Variants in MDM1 observed in about 807,000 individuals in gnomAD.
MDM1 encodes stabilizer of axonemal microtubules 6.
Under a neutral mutation model 89.1 loss-of-function variants are expected in MDM1, and 61 were observed. That is an observed-to-expected ratio of 0.68 (90% CI 0.56 to 0.85). The LOEUF is 0.85. MDM1 is among the 40% of genes least tolerant of loss of function. The probability of loss-of-function intolerance (pLI) is 0.00; values close to 1 mark genes in which losing one functional copy is unlikely to be tolerated. For missense variants in MDM1, 820 were observed against 846.5 expected, an observed-to-expected ratio of 0.97 and a Z score of 0.39; for synonymous variants, 290 against 294.1, an observed-to-expected ratio of 0.99 and a Z score of 0.14.
intron 7 of MDM1, among the ~76,000 whole-genome samples, chr12:68,318,649 T>C (rs1874810808): frequency 6.6e-6 from 1 of 152,056 alleles, no homozygotes; most frequent in Non-Finnish European, 1.5e-5. Flanking sequence ...AAAAAATCAA[T>C]AGCATGAACT....
At chr12:68,326,031 C>A (rs1322727418) in intron 3 of MDM1, 12 of 994,324 alleles carry the variant, frequency 1.2e-5, no homozygotes, top group Non-Finnish European at 1.3e-5. Context: ...TGAAATGCCT[C>A]TTCAGGGTCC....
intron 9 of MDM1, 123 bp from the exon 10 acceptor site, chr12:68,315,388 G>T: frequency 1.2e-6 from 1 of 865,670 alleles, no homozygotes; most frequent in Non-Finnish European, 1.8e-6. Flanking sequence ...CATAGATATT[G>T]CCTTGCTCAG....
At chr12:68,299,238 A>G (rs1871823759) in intron 13 of MDM1, among the ~76,000 whole-genome samples, 1 of 152,178 alleles carries the variant, frequency 6.6e-6, no homozygotes. Context: ...ACAAGGTTCT[A>G]TAACACCCTC....
intron 12 of MDM1, among the ~76,000 whole-genome samples, chr12:68,311,408 C>A (rs969253099): frequency 6.6e-6 from 1 of 152,180 alleles, no homozygotes; most frequent in African/African-American, 2.4e-5. Flanking sequence ...TCTTCCCCAG[C>A]CTTATTCTCA....
chr12:68,322,375 G>A (rs1052531308), intron 5 of MDM1, among the ~76,000 whole-genome samples: 1 of 152,216 alleles, frequency 6.6e-6, no homozygotes, highest in Admixed American at 6.5e-5. Context: ...GCTCACACCT[G>A]TAATCCCAGC....
In MDM1 at chr12:68,315,055, GTCC is replaced by G. The variant is rs776290328; in HGVS notation, c.1419_1421del (p.Glu473del). On this transcript the variant is annotated inframe_deletion, in exon 10 of 15. Coordinates refer to ENST00000682720, the MANE Select transcript of MDM1 (RefSeq NM_001354969.2). ...TCCTGTCCCCTTCCTCTTCATTGTCGTCCTCCTCCTCTTTCTCCCCGGGCTGTT... is the reference window on the plus strand; with the variant it reads ...TCCTGTCCCCTTCCTCTTCATTGTCGTCCTCCTCTTTCTCCCCGGGCTGTT... 16 of 1,613,348 alleles carry G rather than the reference GTCC, an allele frequency of 9.9e-6. No homozygotes were observed. The South Asian group carries it at 1.4e-4, about 14-fold the overall frequency.
chr12:68,316,488 GCTAA>G, intron 8 of MDM1, 89 bp downstream of exon 8: 6 of 1,092,482 alleles, frequency 5.5e-6, no homozygotes. Flanking sequence ...ATTCATAGCA[GCTAA>G]GAAAAATATT....
chr12:68,331,329 G>GA, intron 1 of MDM1, 108 bp from the exon 2 acceptor site: 1 of 735,846 alleles, frequency 1.4e-6, no homozygotes, highest in South Asian at 1.6e-5. Flanking sequence ...ACTTAAGACT[G>GA]AAAATTAAAC....
At chr12:68,329,095 G>A (rs1454539319) in intron 2 of MDM1, among the ~76,000 whole-genome samples, 1 of 152,164 alleles carries the variant, frequency 6.6e-6, no homozygotes, top group African/African-American at 2.4e-5. Context: ...CGCTCAGCAG[G>A]GTGGGATATC....
rs535890081 is a variant in MDM1, at chr12:68,321,336, T to C, written c.1005+11A>G. 2.5e-6 allele frequency: 4 copies of C among 1,607,842 alleles called. No individual in the cohort carries two copies. The highest frequency in any genetic ancestry group is 2.2e-5 in the South Asian group (2 of 90,630). On this transcript the variant is annotated intron_variant, in intron 7 of 14. Coordinates refer to ENST00000682720, the MANE Select transcript of MDM1 (RefSeq NM_001354969.2). ...AGAACATGTAGGCTTATTGAGGTCATGTACACTCACCTGATTTGGCATGTT... is the reference window on the plus strand; with the variant it reads ...AGAACATGTAGGCTTATTGAGGTCACGTACACTCACCTGATTTGGCATGTT...
chr12:68,316,484 A>T, intron 8 of MDM1, 97 bp downstream of exon 8: 1 of 1,047,482 alleles, frequency 9.5e-7, no homozygotes, highest in South Asian at 1.4e-5. Context: ...AGAAATTCAT[A>T]GCAGCTAAGA....
chr12:68,297,467 G>A (rs1057260116), intron 13 of MDM1, among the ~76,000 whole-genome samples: 2 of 152,248 alleles, frequency 1.3e-5, no homozygotes, highest in African/African-American at 2.4e-5. Flanking sequence ...TAAGCCAGCA[G>A]AAGAGTGAAA....
Position 68,315,010 on chromosome 12 carries a change from A to C in MDM1, c.1467T>G (p.Phe489Leu). The C allele has an allele frequency of 6.2e-7, 1 of 1,614,024 alleles. No individual in the cohort carries two copies. The highest frequency in any genetic ancestry group is 1.1e-5 in the South Asian group (1 of 91,064). ...CATCCAACTTCTCTTGCTCTCCCAT[A>C]AAAGCCTGCTTGCCCGTTTTCCTGT... is the stretch of plus-strand genomic sequence containing the variant. ...EGDRKTGKQA[F>L]MGEQEKLDVR... The change falls in exon 10 of 15, where the codon TTT becomes TTG. Residue 489 changes from phenylalanine to leucine, a missense_variant. Phe to Leu is a conservative substitution (Grantham distance 22). Transcript: ENST00000682720.
At chr12:68,311,207 C>T (rs910175577) in intron 12 of MDM1, among the ~76,000 whole-genome samples, 3 of 152,184 alleles carry the variant, frequency 2.0e-5, no homozygotes, top group African/African-American at 7.2e-5. Flanking sequence ...GTATCCTGCA[C>T]TTCTGCAGCC....
intron 5 of MDM1, among the ~76,000 whole-genome samples, chr12:68,322,628 T>C (rs1056740283): frequency 6.6e-6 from 1 of 152,190 alleles, no homozygotes; most frequent in Admixed American, 6.5e-5. Context: ...ACCAAGACTC[T>C]GTCTCGAAAA....
chr12:68,330,721 A>C (rs1442450210), intron 2 of MDM1: 1 of 163,162 alleles, frequency 6.1e-6, no homozygotes, highest in Admixed American at 6.3e-5. Flanking sequence ...AGAATTCCTT[A>C]TTTTGTCATG....
chr12:68,302,907 C>T, intron 12 of MDM1, 35 bp from the exon 13 acceptor site: 1 of 1,402,362 alleles, frequency 7.1e-7, no homozygotes, highest in Non-Finnish European at 9.7e-7. Flanking sequence ...AAAAAGATGC[C>T]TATGTGTAGA....
chr12:68,331,789 GTGTAT>G (rs547244898), intron 1 of MDM1, among the ~76,000 whole-genome samples: 66 of 152,278 alleles, frequency 4.3e-4, no homozygotes, highest in African/African-American at 1.5e-3. Context: ...GATGAAAAAC[GTGTAT>G]TTCTTTATAC....
Position 68,323,224 on chromosome 12 carries a change from C to T in MDM1, c.650G>A (p.Ser217Asn). Reference protein sequence around the residue: ...FAANQVFHNKSQFVPPFKGNS... With the variant: ...FAANQVFHNKNQFVPPFKGNS... ...ACCTTTGAATGGTGGAACAAACTGGCTTTTATTGTGGAAAACCTTAAAACA... is the reference window on the plus strand; with the variant it reads ...ACCTTTGAATGGTGGAACAAACTGGTTTTTATTGTGGAAAACCTTAAAACA... The change falls in exon 5 of 15, where the codon AGC becomes AAC. Residue 217 changes from serine (S) to asparagine (N), a missense_variant. Ser to Asn is a conservative substitution (Grantham distance 46). Transcript: ENST00000682720. The T allele has an allele frequency of 6.4e-7, 1 of 1,567,024 alleles. No homozygotes were observed. Among genetic ancestry groups the T allele is most frequent in the South Asian group, 1.2e-5 (1 of 81,378 alleles).
Sources: gnomAD v4.1 joint callset for allele counts (sites outside exome capture counted in the v4.1 genomes callset) on GRCh38, gnomAD v4.1.1 for gene constraint, MANE v1.5 for transcripts, NCBI Gene and HGNC (gene_info 2026-07-23, HGNC 2026-07-21) for gene names.